The following KIAA0825 variants were observed in gnomAD, a reference collection of about 807,000 sequenced individuals.
KIAA0825 encodes the protein uncharacterized protein KIAA0825.
In KIAA0825, 119 loss-of-function variants were observed where a neutral mutation model predicts 147.6. The observed-to-expected ratio is 0.81, with a 90% CI of 0.69 to 0.94. KIAA0825 has a LOEUF of 0.94. Ranked by LOEUF, KIAA0825 falls within the 40% of genes least tolerant of loss-of-function variation. KIAA0825 has a pLI of 0.00. For missense variants in KIAA0825, 1,381 were observed against 1,472.7 expected (o/e 0.94, Z 1.02); for synonymous variants, 470 against 518.1 (o/e 0.91, Z 1.26).
chr5:94,434,018 C>T (rs1156281734), intron 14 of KIAA0825, among the ~76,000 whole-genome samples: 1 of 152,164 alleles, frequency 6.6e-6, no homozygotes, highest in Non-Finnish European at 1.5e-5. Flanking sequence ...GAACAATTGC[C>T]TTGGGTGTCA....
intron 1 of KIAA0825, among the ~76,000 whole-genome samples, chr5:94,605,265 A>G (rs1787284919): frequency 6.6e-6 from 1 of 152,218 alleles, no homozygotes. Context: ...AAATTGAAGC[A>G]GTAATAAATA....
In KIAA0825 at chr5:94,153,965, G is replaced by A; in HGVS notation, c.*42C>T. On this transcript the variant is annotated 3_prime_UTR_variant, in exon 21 of 21. Transcript: ENST00000682413. Reference sequence around the variant, plus strand: ...GGTAAAAAATCCTACTCCATTACATGGGATTGTTTCCTAAAATAAAGCTGT... The same window carrying A: ...GGTAAAAAATCCTACTCCATTACATAGGATTGTTTCCTAAAATAAAGCTGT... 7.4e-7 allele frequency: 1 copy of A among 1,349,760 alleles called. No homozygotes were observed. The allele number at this position is 1,349,760 out of a possible 1,614,324, so 83.6% of individuals were successfully genotyped here.
chr5:94,507,038 TAA>T (rs1765821380), intron 5 of KIAA0825, among the ~76,000 whole-genome samples: 1 of 152,118 alleles, frequency 6.6e-6, no homozygotes, highest in Non-Finnish European at 1.5e-5. Context: ...ACCAAAAAAA[TAA>T]GTGTTATGTA....
intron 20 of KIAA0825, among the ~76,000 whole-genome samples, chr5:94,334,399 G>A (rs1781590140): frequency 6.6e-6 from 1 of 152,198 alleles, no homozygotes; most frequent in Admixed American, 6.5e-5. Flanking sequence ...CTAAACACTG[G>A]TTACCTTCCA....
chr5:94,319,494 C>T (rs535088653), intron 20 of KIAA0825, among the ~76,000 whole-genome samples: 2 of 151,884 alleles, frequency 1.3e-5, no homozygotes, highest in East Asian at 3.9e-4. Flanking sequence ...CGTAGTATCT[C>T]CAAAAGAGAA....
chr5:94,261,447 C>T (rs971546689), intron 20 of KIAA0825, among the ~76,000 whole-genome samples: 1 of 152,092 alleles, frequency 6.6e-6, no homozygotes, highest in African/African-American at 2.4e-5. Context: ...AGATGTTTCA[C>T]TTAATTATTT....
chr5:94,504,746 C>CTTTT (rs564291886), intron 5 of KIAA0825, among the ~76,000 whole-genome samples: 15 of 122,966 alleles, frequency 1.2e-4, no homozygotes, highest in Non-Finnish European at 1.7e-4. Context: ...TTTTTCTTTT[C>CTTTT]TTTTTTTTTT....
At chr5:94,572,192 C>T (rs1780107424) in intron 2 of KIAA0825, among the ~76,000 whole-genome samples, 1 of 151,944 alleles carries the variant, frequency 6.6e-6, no homozygotes, top group African/African-American at 2.4e-5. Context: ...GTACAATCAA[C>T]TGACCAGGGC....
At chr5:94,584,558 A>G (rs918361241) in intron 1 of KIAA0825, among the ~76,000 whole-genome samples, 7 of 152,202 alleles carry the variant, frequency 4.6e-5, no homozygotes, top group Non-Finnish European at 1.0e-4. Flanking sequence ...CCAAATCTAC[A>G]TTTGATTGGT....
At chr5:94,382,119 A>T (rs1748496084) in intron 20 of KIAA0825, among the ~76,000 whole-genome samples, 1 of 152,228 alleles carries the variant, frequency 6.6e-6, no homozygotes, top group African/African-American at 2.4e-5. Context: ...GACTCATTTA[A>T]TTGGTGAATT....
At chr5:94,225,120 A>G (rs1380574996) in intron 20 of KIAA0825, among the ~76,000 whole-genome samples, 1 of 152,146 alleles carries the variant, frequency 6.6e-6, no homozygotes, top group African/African-American at 2.4e-5. Context: ...TTTATTGAGT[A>G]CCTTCAGTGT....
At chr5:94,581,252 T>C (rs1415581710) in intron 2 of KIAA0825, among the ~76,000 whole-genome samples, 1 of 152,216 alleles carries the variant, frequency 6.6e-6, no homozygotes, top group African/African-American at 2.4e-5. Flanking sequence ...ACGTCATGTC[T>C]TGTTATTTGG....
At chr5:94,258,512 G>A (rs1776347856) in intron 20 of KIAA0825, among the ~76,000 whole-genome samples, 1 of 151,816 alleles carries the variant, frequency 6.6e-6, no homozygotes, top group Admixed American at 6.6e-5. Context: ...GGATATTTTT[G>A]CCTTAGGTTC....
At chr5:94,342,962 A>G (rs752686125) in intron 20 of KIAA0825, among the ~76,000 whole-genome samples, 15 of 152,164 alleles carry the variant, frequency 9.9e-5, no homozygotes, top group Non-Finnish European at 1.6e-4. Context: ...CAAAAAAGAG[A>G]AAACAAAAGC....
chr5:94,483,558 A>C (rs1425282812), intron 6 of KIAA0825, among the ~76,000 whole-genome samples: 2 of 151,308 alleles, frequency 1.3e-5, no homozygotes, highest in Non-Finnish European at 3.0e-5. Flanking sequence ...TCCTAATTAA[A>C]TCTTTGGCTT....
intron 20 of KIAA0825, among the ~76,000 whole-genome samples, chr5:94,293,982 T>C (rs1778024827): frequency 6.6e-6 from 1 of 152,210 alleles, no homozygotes; most frequent in Non-Finnish European, 1.5e-5. Flanking sequence ...ATTTGCTTGG[T>C]AAATATTCCT....
intron 2 of KIAA0825, among the ~76,000 whole-genome samples, chr5:94,577,083 T>C (rs75191545): frequency 0.012 from 1,843 of 152,360 alleles, 35 homozygotes; most frequent in African/African-American, 0.042. Flanking sequence ...CTTTTCATTT[T>C]TTCATTTTTT....
intron 20 of KIAA0825, among the ~76,000 whole-genome samples, chr5:94,306,510 T>C (rs1278110159): frequency 6.6e-6 from 1 of 151,822 alleles, no homozygotes; most frequent in African/African-American, 2.4e-5. Flanking sequence ...TTAGAACTTT[T>C]GATGAATATG....
At chr5:94,224,772 G>T (rs914325303) in intron 20 of KIAA0825, among the ~76,000 whole-genome samples, 1 of 152,190 alleles carries the variant, frequency 6.6e-6, no homozygotes, top group African/African-American at 2.4e-5. Context: ...TGAGTAGACA[G>T]TGTCTCTTTG....
Sources: gnomAD v4.1 joint callset for allele counts (sites outside exome capture counted in the v4.1 genomes callset) on GRCh38, gnomAD v4.1.1 for gene constraint, MANE v1.5 for transcripts, NCBI Gene and HGNC (gene_info 2026-07-23, HGNC 2026-07-21) for gene names.